The following BRAT1 variants were observed in gnomAD, a reference collection of about 807,000 sequenced individuals.
The protein encoded by BRAT1 is BRCA1 associated ATM activator 1, also known as integrator complex assembly factor BRAT1.
A neutral mutation model predicts 70.6 loss-of-function variants in BRAT1; 74 were observed. That is an observed-to-expected ratio of 1.05 (90% CI 0.87 to 1.27). The LOEUF (loss-of-function observed/expected upper bound fraction) is 1.27, where lower values mean the gene tolerates loss of function less well. Among genes scored for constraint, BRAT1 ranks in the 50% most tolerant of loss-of-function variants. The pLI is 0.00. For synonymous variants in BRAT1, 615 were observed against 517.1 expected (o/e 1.19, Z -2.57); for missense variants, 1,203 against 1,098.2 (o/e 1.10, Z -1.35).
In BRAT1 at chr7:2,545,363, CAAAAAAAAA is replaced by C. The variant is rs1185029266; in HGVS notation, c.283-316_283-308del. ...TGGGTGACACAGCGAGACTCCATCT[CAAAAAAAAA>C]AAAAAAAAAAAAAAAAAAGAGGTGA... On this transcript the variant is annotated intron_variant, in intron 3 of 13. Coordinates refer to ENST00000340611, the MANE Select transcript of BRAT1 (RefSeq NM_152743.4). Among the ~76,000 whole-genome samples the C allele has an allele frequency of 9.6e-4, 24 of 25,130 alleles. No individual in the cohort carries two copies. In the South Asian group the frequency reaches 0.018, roughly 19 times the overall value. 16.5% of individuals were successfully genotyped at this position (25,130 alleles called of 152,430 possible).
chr7:2,539,391 C>A (rs1387840832), intron 12 of BRAT1, 40 bp from the exon 13 acceptor site: 1 of 1,574,738 alleles, frequency 6.4e-7, no homozygotes, highest in Non-Finnish European at 8.7e-7. Flanking sequence ...TGACTGAGGG[C>A]CGAGCCTTGT....
chr7:2,538,900 T>C, intron 13 of BRAT1, 136 bp from the exon 14 acceptor site: 1 of 1,480,266 alleles, frequency 6.8e-7, no homozygotes, highest in Non-Finnish European at 8.9e-7. Context: ...CACCTTCCCA[T>C]GCTGCGCAGT....
In BRAT1 at chr7:2,545,053, C is replaced by A. The variant is rs774727909; in HGVS notation, c.286G>T (p.Gly96Trp). 2.0e-6 allele frequency: 3 copies of A among 1,489,582 alleles called. No homozygotes were observed. The South Asian group carries it at 4.1e-5, about 20-fold the overall frequency. The allele number at this position is 1,489,582 out of a possible 1,614,324, so 92.3% of individuals were successfully genotyped here. Residue 96 changes from glycine (G) to tryptophan (W), a missense_variant, in exon 4 of 14, where the codon GGG (glycine) becomes TGG (tryptophan). Physicochemically the swap from Gly to Trp is radical, Grantham distance 184. Coordinates refer to ENST00000340611, the MANE Select transcript of BRAT1 (RefSeq NM_152743.4). ...CCAAAGAGCCCTGGTAGTAACTCCC[C>A]CTGCTGGGAAGCAAAAAAAGAAGTG... ...QENCFQYLQQ[G>W]ELLPGLFGEP...
rs1037045280 is a variant in BRAT1 at position 2,539,468 on chromosome 7, G to C, written c.1597+76C>G. The C allele has an allele frequency of 1.0e-5, 15 of 1,499,562 alleles. No individual in the cohort carries two copies. In the East Asian group the frequency reaches 1.5e-4, roughly 15 times the overall value. The allele number at this position is 1,499,562 out of a possible 1,614,324, so 92.9% of individuals were successfully genotyped here. A position where few individuals can be genotyped will look rare whatever the true frequency, so the allele number is the denominator to read the frequency against. ...TGGCCCAAGTTTCTAGAGCCAGCAAGAGGCTGCTGGTGCACCCTGGCTCAG... is the reference window on the plus strand; with the variant it reads ...TGGCCCAAGTTTCTAGAGCCAGCAACAGGCTGCTGGTGCACCCTGGCTCAG... On this transcript the variant is annotated intron_variant, in intron 12 of 13. Coordinates refer to ENST00000340611, the MANE Select transcript of BRAT1 (RefSeq NM_152743.4).
At chr7:2,544,086 C>T (rs1427839704) in intron 4 of BRAT1, 124 bp from the exon 5 acceptor site, 1 of 800,434 alleles carries the variant, frequency 1.2e-6, no homozygotes, top group Non-Finnish European at 1.8e-6. Context: ...AAATGCCTCT[C>T]CACTCAAAAG....
intron 7 of BRAT1, 31 bp from the exon 8 acceptor site, chr7:2,541,867 G>C: frequency 6.2e-7 from 1 of 1,607,712 alleles, no homozygotes; most frequent in Non-Finnish European, 8.5e-7. Context: ...AGCTCCCTTA[G>C]AGAGCACTTC....
At chr7:2,540,078 C>G (rs1427740939) in intron 10 of BRAT1, 190 bp from the exon 11 acceptor site, 1 of 537,902 alleles carries the variant, frequency 1.9e-6, no homozygotes, top group Non-Finnish European at 3.3e-6. Flanking sequence ...CCAGGCTGGA[C>G]TGCAATCACA....
chr7:2,540,820 A>T, intron 10 of BRAT1, 159 bp downstream of exon 10: 1 of 755,516 alleles, frequency 1.3e-6, no homozygotes, highest in Non-Finnish European at 2.0e-6. Context: ...GGCCCGCCCC[A>T]TGCAGCCACC....
intron 4 of BRAT1, chr7:2,544,197 G>C (rs370501638): frequency 8.6e-4 from 105 of 121,412 alleles, no homozygotes; most frequent in African/African-American, 5.5e-3. Flanking sequence ...GTTCCTTCTT[G>C]TTGTTTTTTT....
rs1230404112 is a variant in BRAT1 at position 2,539,802 on chromosome 7, G to A, written c.1482C>T (p.Ile494=). ...CTGCGTTACCTCTGAGGAACTGCGG[G>A]ATGAGGGGGCCGAGATCAGAGCAGC... The part of the protein sequence containing the change: ...TPGCSDLGPL[I]PQFLRELFPV... The change falls in exon 11 of 14, where the codon ATC becomes ATT. Residue 494 remains isoleucine, a synonymous_variant. Transcript: ENST00000340611. 4 of 1,611,994 alleles carry A rather than the reference G, an allele frequency of 2.5e-6. No homozygotes were observed. Among genetic ancestry groups the A allele is most frequent in the Non-Finnish European group, 1.7e-6 (2 of 1,179,190 alleles).
intron 4 of BRAT1, among the ~76,000 whole-genome samples, chr7:2,544,574 C>T (rs946856463): frequency 6.6e-6 from 1 of 152,150 alleles, no homozygotes; most frequent in Non-Finnish European, 1.5e-5. Flanking sequence ...AACCACTGCT[C>T]ACTGTAGCCT....
chr7:2,548,907 G>A (rs1424466280), intron 2 of BRAT1, among the ~76,000 whole-genome samples: 2 of 152,106 alleles, frequency 1.3e-5, no homozygotes, highest in Non-Finnish European at 2.9e-5. Flanking sequence ...GGAGGTTGCG[G>A]TGAGCCGAGA....
At position 2,538,714 on chromosome 7, in the gene BRAT1, G is replaced by C. The variant is rs1269181214; in HGVS notation, c.1821C>G (p.Phe607Leu). 6.3e-7 allele frequency: 1 copy of C among 1,598,340 alleles called. No homozygotes were observed. The highest frequency in any genetic ancestry group is 1.3e-5 in the African/African-American group (1 of 74,940). ...LHILSVDSEG[F>L]PRRAVMQVFT... is the part of the protein sequence containing the mutation. ...AGACTTGCATGACCGCCCGCCGTGG[G>C]AAGCCCTCCGAGTCTACGGAGAGGA... is the stretch of plus-strand genomic sequence containing the variant. Residue 607 changes from phenylalanine to leucine, a missense_variant, in exon 14 of 14, where the codon TTC becomes TTG. Transcript: ENST00000340611.
intron 13 of BRAT1, 91 bp downstream of exon 13, chr7:2,539,088 C>A (rs1234889747): frequency 1.3e-6 from 2 of 1,503,630 alleles, no homozygotes; most frequent in African/African-American, 1.4e-5. Context: ...TGCTCCCACG[C>A]TGCATGCTGG....
intron 2 of BRAT1, among the ~76,000 whole-genome samples, chr7:2,548,688 C>G (rs754751000): frequency 6.8e-6 from 1 of 147,794 alleles, no homozygotes; most frequent in African/African-American, 2.5e-5. Flanking sequence ...AAAGGCGGGG[C>G]GTGGTGGCTC....
intron 3 of BRAT1, among the ~76,000 whole-genome samples, chr7:2,546,020 C>T (rs1034900065): frequency 2.0e-5 from 3 of 152,236 alleles, no homozygotes; most frequent in African/African-American, 4.8e-5. Context: ...GAGAAGCCGT[C>T]GTGGTAGACG....
intron 2 of BRAT1, among the ~76,000 whole-genome samples, chr7:2,549,093 G>T (rs762535002): frequency 6.6e-6 from 1 of 152,238 alleles, no homozygotes; most frequent in Admixed American, 6.5e-5. Flanking sequence ...GTGATGGCCT[G>T]AAGTTCAAGT....
chr7:2,540,566 G>T, intron 10 of BRAT1: 1 of 176,800 alleles, frequency 5.7e-6, no homozygotes, highest in East Asian at 1.5e-4. Context: ...GTTGTCTGCT[G>T]TCTGCTCAGC....
At position 2,539,937 on chromosome 7, in the gene BRAT1, G is replaced by A. The variant is rs1562569968; in HGVS notation, c.1396-49C>T. 1.1e-5 allele frequency: 14 copies of A among 1,329,460 alleles called. No individual in the cohort carries two copies. In the South Asian group the frequency reaches 1.8e-4, roughly 17 times the overall value. 82.4% of individuals were successfully genotyped at this position (1,329,460 alleles called of 1,614,324 possible). On this transcript the variant is annotated intron_variant, in intron 10 of 13. Transcript: ENST00000340611. The stretch of plus-strand genomic sequence containing the variant: ...AGGGCCACGGGAGACGGAGGGGCAG[G>A]CTGTCTGTCTGTCCCCCTCGCCTTC...
Sources: gnomAD v4.1 joint callset for allele counts (sites outside exome capture counted in the v4.1 genomes callset) on GRCh38, gnomAD v4.1.1 for gene constraint, MANE v1.5 for transcripts, NCBI Gene and HGNC (gene_info 2026-07-23, HGNC 2026-07-21) for gene names.